Variants in RNF150 observed in about 807,000 individuals in gnomAD.
The protein encoded by RNF150 is ring finger protein 150.
A neutral mutation model predicts 39.3 loss-of-function variants in RNF150; 24 were observed. The observed-to-expected ratio is 0.61, with a 90% CI of 0.44 to 0.86. The LOEUF is 0.86. RNF150 is among the 40% of genes least tolerant of loss of function. The pLI is 0.00. For synonymous variants in RNF150, 255 were observed against 227.3 expected (o/e 1.12, Z -1.10); for missense variants, 502 against 587.8 (o/e 0.85, Z 1.51).
intron 1 of RNF150, among the ~76,000 whole-genome samples, chr4:141,127,108 C>G (rs1726773786): frequency 2.0e-5 from 3 of 151,962 alleles, no homozygotes; most frequent in Non-Finnish European, 2.9e-5. Context: ...AGCTGTAGCT[C>G]TAAGCACAGA....
In RNF150 at chr4:140,956,606, C is replaced by T. The variant is rs140799114; in HGVS notation, c.736-7234G>A. 3.3e-3 allele frequency among the ~76,000 whole-genome samples: 509 copies of T among 152,198 alleles called. 2 individuals are homozygous for T. The highest frequency in any genetic ancestry group is 0.012 in the African/African-American group (488 of 41,544). On this transcript the variant is annotated intron_variant, in intron 2 of 6. Coordinates refer to ENST00000515673, the MANE Select transcript of RNF150 (RefSeq NM_020724.2). Reference sequence around the variant, plus strand: ...GATTCAACCAATAATGGATTGAACACATTTGGGGGAAAAAACAATAAAAGA... The same window carrying T: ...GATTCAACCAATAATGGATTGAACATATTTGGGGGAAAAAACAATAAAAGA...
At position 140,860,554 on chromosome 4, in the gene RNF150, C is replaced by T. The variant is rs1208970820; in HGVS notation, c.*7707G>A. 1.3e-5 allele frequency: 2 copies of T among 152,140 alleles called. No individual in the cohort carries two copies. The highest frequency in any genetic ancestry group is 2.9e-5 in the Non-Finnish European group (2 of 68,024). 9.4% of individuals were successfully genotyped at this position (152,140 alleles called of 1,614,324 possible). A position where few individuals can be genotyped will look rare whatever the true frequency, so the allele number is the denominator to read the frequency against. On this transcript the variant is annotated 3_prime_UTR_variant, in exon 7 of 7. Transcript: ENST00000515673. Reference sequence around the variant, plus strand: ...TAGCCAGAAAGACCTTGTGGGGAAGCTAAGTAGACTTTACCCCAACATCAA... The same window carrying T: ...TAGCCAGAAAGACCTTGTGGGGAAGTTAAGTAGACTTTACCCCAACATCAA...
At chr4:141,074,141 A>G (rs1173866394) in intron 1 of RNF150, among the ~76,000 whole-genome samples, 14 of 152,158 alleles carry the variant, frequency 9.2e-5, no homozygotes, top group Admixed American at 9.2e-4. Flanking sequence ...TTTAAAAAAT[A>G]TATAATGAAT....
chr4:141,177,548 A>C (rs1727834971), intron 1 of RNF150, among the ~76,000 whole-genome samples: 1 of 152,120 alleles, frequency 6.6e-6, no homozygotes, highest in Admixed American at 6.6e-5. Flanking sequence ...AAACTATGGC[A>C]TAGAGCATTT....
chr4:141,073,238 C>T (rs760788374), intron 1 of RNF150, among the ~76,000 whole-genome samples: 7 of 152,082 alleles, frequency 4.6e-5, no homozygotes, highest in African/African-American at 7.2e-5. Context: ...CAGTTTTCTG[C>T]GAAGGGTCAA....
chr4:141,185,832 T>A (rs1275247923), intron 1 of RNF150, among the ~76,000 whole-genome samples: 1 of 152,006 alleles, frequency 6.6e-6, no homozygotes, highest in Non-Finnish European at 1.5e-5. Flanking sequence ...TGAATTATGT[T>A]TATTGATTTG....
chr4:141,051,412 A>G (rs564794906), intron 1 of RNF150, among the ~76,000 whole-genome samples: 7 of 152,186 alleles, frequency 4.6e-5, no homozygotes, highest in Non-Finnish European at 1.0e-4. Context: ...CACATTGTAC[A>G]GCTGCAAAAT....
intron 4 of RNF150, among the ~76,000 whole-genome samples, chr4:140,926,898 AAAG>A (rs1228203832): frequency 6.6e-6 from 1 of 152,206 alleles, no homozygotes; most frequent in Non-Finnish European, 1.5e-5. Flanking sequence ...GCAAGAAGAG[AAAG>A]AACTATCTGT....
At chr4:140,953,764 A>C (rs1732635544) in intron 2 of RNF150, among the ~76,000 whole-genome samples, 1 of 152,230 alleles carries the variant, frequency 6.6e-6, no homozygotes, top group East Asian at 1.9e-4. Flanking sequence ...TCTCACTTTC[A>C]ATAATTTTCA....
At chr4:141,019,343 T>C (rs1006958877) in intron 1 of RNF150, among the ~76,000 whole-genome samples, 36 of 152,046 alleles carry the variant, frequency 2.4e-4, no homozygotes, top group African/African-American at 7.7e-4. Flanking sequence ...TCTAATTCTA[T>C]GGAATTGATT....
chr4:140,872,557 T>TACA (rs1728988249), intron 6 of RNF150, among the ~76,000 whole-genome samples: 1 of 87,454 alleles, frequency 1.1e-5, no homozygotes, highest in East Asian at 2.3e-3. Context: ...AGGAAACTAT[T>TACA]ACAGAACAGA....
chr4:141,195,107 T>TACACACAC (rs71584397), intron 1 of RNF150, among the ~76,000 whole-genome samples: 13,301 of 150,102 alleles, frequency 0.089, 683 homozygotes, highest in African/African-American at 0.14. Context: ...GATACATGAA[T>TACACACAC]ACACACACAC....
At chr4:141,197,884 A>T (rs75189591) in intron 1 of RNF150, among the ~76,000 whole-genome samples, 69 of 152,192 alleles carry the variant, frequency 4.5e-4, no homozygotes, top group East Asian at 1.4e-3. Context: ...TCTCAAAAAA[A>T]AAATAAATAA....
chr4:141,125,362 A>G (rs1726721421), intron 1 of RNF150, among the ~76,000 whole-genome samples: 1 of 152,214 alleles, frequency 6.6e-6, no homozygotes, highest in African/African-American at 2.4e-5. Flanking sequence ...TTATATTACC[A>G]CCAAAACCCT....
At chr4:141,166,859 A>G (rs1388303983) in intron 1 of RNF150, among the ~76,000 whole-genome samples, 1 of 152,230 alleles carries the variant, frequency 6.6e-6, no homozygotes, top group Non-Finnish European at 1.5e-5. Context: ...CAAAAGCTGG[A>G]TGCATTCCCT....
At chr4:141,027,925 T>TG (rs1553938672) in intron 1 of RNF150, among the ~76,000 whole-genome samples, 2 of 32,778 alleles carry the variant, frequency 6.1e-5, no homozygotes, top group Admixed American at 3.8e-4. Context: ...TTTTTTTTTT[T>TG]GTTTTTTTTT....
At chr4:141,094,189 G>A (rs145674347) in intron 1 of RNF150, among the ~76,000 whole-genome samples, 1 of 152,270 alleles carries the variant, frequency 6.6e-6, no homozygotes, top group African/African-American at 2.4e-5. Context: ...AGACAGATGT[G>A]CAAAGAGGCA....
intron 5 of RNF150, among the ~76,000 whole-genome samples, chr4:140,919,930 A>G (rs1731033326): frequency 6.6e-6 from 1 of 152,184 alleles, no homozygotes; most frequent in African/African-American, 2.4e-5. Flanking sequence ...AAAACAAGCA[A>G]GGGGGAAAGG....
intron 1 of RNF150, among the ~76,000 whole-genome samples, chr4:141,122,624 G>A (rs573331518): frequency 1.3e-5 from 2 of 152,316 alleles, no homozygotes; most frequent in South Asian, 2.1e-4. Context: ...AATGTTTACT[G>A]CAGCACTGTT....
Sources: allele counts gnomAD v4.1 joint callset (sites outside exome capture counted in the v4.1 genomes callset), GRCh38; gene constraint gnomAD v4.1.1; transcripts MANE v1.5; gene names NCBI Gene and HGNC (gene_info 2026-07-23, HGNC 2026-07-21).